N4BP2L1: variants seen among roughly 807,000 people sequenced by gnomAD.
N4BP2L1 encodes NEDD4-binding protein 2-like 1.
A neutral mutation model predicts 21.2 loss-of-function variants in N4BP2L1; 12 were observed. The ratio of observed to expected loss-of-function variants is 0.57; its 90% confidence interval spans 0.36 to 0.92. N4BP2L1 has a LOEUF of 0.92. Among genes scored for constraint, N4BP2L1 ranks in the 40% least tolerant of loss-of-function variants. The pLI, the probability that N4BP2L1 is intolerant of heterozygous loss-of-function variation, is 0.01. For missense variants in N4BP2L1, 259 were observed against 310.6 expected (o/e 0.83, Z 1.25); for synonymous variants, 104 against 112.8 (o/e 0.92, Z 0.49).
chr13:32,403,841 T>C (rs1301643266), intron 4 of N4BP2L1: 3 of 477,400 alleles, frequency 6.3e-6, no homozygotes, highest in Non-Finnish European at 1.3e-5. Flanking sequence ...AATGACATTA[T>C]CAAATAATAC....
rs766389112 is a variant in N4BP2L1 at position 32,407,772 on chromosome 13, T to A, written c.180A>T (p.Arg60Ser). The change falls in exon 2 of 5, where the codon AGA becomes AGT. Residue 60 changes from arginine to serine, a missense_variant and splice_region_variant. Arg to Ser is a moderately radical substitution (Grantham distance 110, BLOSUM62 -1). Transcript: ENST00000380130. ...CCCTGGGAAAGTCATGCTGCAATTG[T>A]CTGGAAAGTGGAGAAATGAGAGAGA... ...LPGSGKTTLA[R>S]QLQHDFPRAL... 1 of 1,583,570 alleles carries A rather than the reference T, an allele frequency of 6.3e-7. No individual in the cohort carries two copies. The highest frequency in any genetic ancestry group is 2.2e-5 in the East Asian group (1 of 44,660).
At chr13:32,421,047 C>T (rs2074449682) in intron 1 of N4BP2L1, among the ~76,000 whole-genome samples, 1 of 152,172 alleles carries the variant, frequency 6.6e-6, no homozygotes, top group Non-Finnish European at 1.5e-5. Flanking sequence ...TGGTTTCGTT[C>T]TTTACTCAAG....
At chr13:32,403,303 A>G in intron 4 of N4BP2L1, 103 bp from the exon 5 acceptor site, 1 of 1,205,924 alleles carries the variant, frequency 8.3e-7, no homozygotes, top group South Asian at 1.5e-5. Context: ...CCCTGTTCTC[A>G]GGACCTAGCT....
intron 1 of N4BP2L1, among the ~76,000 whole-genome samples, chr13:32,413,628 A>C (rs1387591011): frequency 6.6e-6 from 1 of 152,062 alleles, no homozygotes; most frequent in Non-Finnish European, 1.5e-5. Context: ...TGGGGGACAA[A>C]ACTGTGAGCC....
chr13:32,427,977 G>A lies in N4BP2L1; in HGVS notation c.106C>T (p.Arg36Cys). 1 of 1,551,830 alleles carries A rather than the reference G, an allele frequency of 6.4e-7. No individual in the cohort carries two copies. Among genetic ancestry groups the A allele is most frequent in the East Asian group, 2.6e-5 (1 of 38,888 alleles). ...PRPPPRGTPP[R>C]RHSFRKHLYL... ...AGGTGTTTCCTAAAGCTGTGGCGGCGAGGAGGTGTCCCCCGCGGGGGCGGC... is the reference window on the plus strand; with the variant it reads ...AGGTGTTTCCTAAAGCTGTGGCGGCAAGGAGGTGTCCCCCGCGGGGGCGGC... The change falls in exon 1 of 5, where the codon CGC (arginine) becomes TGC (cysteine). Residue 36 changes from arginine to cysteine, a missense_variant. By Grantham distance (180) the Arg-to-Cys change is radical. Around this residue, in one of 3 missense-constraint regions of N4BP2L1, gnomAD observed 60 missense variants for 54.7 expected, o/e 1.10. Coordinates refer to ENST00000380130, the MANE Select transcript of N4BP2L1 (RefSeq NM_052818.3).
intron 1 of N4BP2L1, among the ~76,000 whole-genome samples, chr13:32,416,962 G>T (rs545093293): frequency 6.6e-6 from 1 of 151,848 alleles, no homozygotes; most frequent in South Asian, 2.1e-4. Context: ...GATTACAGGC[G>T]CGTGCCACCA....
intron 4 of N4BP2L1, among the ~76,000 whole-genome samples, chr13:32,403,454 T>A (rs1382704812): frequency 6.6e-6 from 1 of 152,172 alleles, no homozygotes; most frequent in East Asian, 1.9e-4. Flanking sequence ...TTTCTGGTCC[T>A]CTCAATTACG....
chr13:32,401,324 A>C lies in N4BP2L1; in HGVS notation c.*1618T>G, dbSNP rs2073117399. 6.6e-6 allele frequency: 1 copy of C among 152,158 alleles called. No individual in the cohort carries two copies. Among genetic ancestry groups the C allele is most frequent in the African/African-American group, 2.4e-5 (1 of 41,426 alleles). The allele number at this position is 152,158 out of a possible 1,614,324, so 9.4% of individuals were successfully genotyped here. A position where few individuals can be genotyped will look rare whatever the true frequency, so the allele number is the denominator to read the frequency against. ...GAGCATTATTAAGTAGATCATTAGG[A>C]GATTATTTTATGTTGTGCTTGGAGA... On this transcript the variant is annotated 3_prime_UTR_variant, in exon 5 of 5. Coordinates refer to ENST00000380130, the MANE Select transcript of N4BP2L1 (RefSeq NM_052818.3).
chr13:32,416,887 G>C (rs1012227583), intron 1 of N4BP2L1, among the ~76,000 whole-genome samples: 1 of 152,066 alleles, frequency 6.6e-6, no homozygotes, highest in African/African-American at 2.4e-5. Context: ...CATGATCTCG[G>C]CTCACTGCAA....
intron 1 of N4BP2L1, among the ~76,000 whole-genome samples, chr13:32,420,906 G>A (rs1229902488): frequency 2.6e-5 from 4 of 151,744 alleles, no homozygotes; most frequent in Non-Finnish European, 5.9e-5. Context: ...TGTTGGCCAG[G>A]ATGGTCTCGA....
At chr13:32,408,804 CT>C (rs1489500451) in intron 1 of N4BP2L1, among the ~76,000 whole-genome samples, 1 of 152,168 alleles carries the variant, frequency 6.6e-6, no homozygotes, top group Non-Finnish European at 1.5e-5. Flanking sequence ...TATTCAATGT[CT>C]TTTTTGCTGT....
At chr13:32,422,328 G>A (rs375426936) in intron 1 of N4BP2L1, among the ~76,000 whole-genome samples, 21 of 149,954 alleles carry the variant, frequency 1.4e-4, no homozygotes, top group South Asian at 6.5e-4. Context: ...CCCCCTTTCC[G>A]GCCTCTTCTT....
At chr13:32,423,534 T>C (rs754038115) in intron 1 of N4BP2L1, among the ~76,000 whole-genome samples, 17 of 152,260 alleles carry the variant, frequency 1.1e-4, no homozygotes, top group Middle Eastern at 3.2e-3. Context: ...CCCTCTATTA[T>C]GGCAATTTCA....
rs1350994967 is a variant in N4BP2L1, at chr13:32,427,974, G to A, written c.109C>T (p.Arg37Cys). ...TAGAGGTGTTTCCTAAAGCTGTGGC[G>A]GCGAGGAGGTGTCCCCCGCGGGGGC... ...RPPPRGTPPR[R>C]HSFRKHLYLL... Residue 37 changes from arginine (R) to cysteine (C), a missense_variant, in exon 1 of 5, where the codon CGC becomes TGC. Transcript: ENST00000380130. 16 of 1,547,878 alleles carry A rather than the reference G, an allele frequency of 1.0e-5. 1 individual carries two copies. The highest frequency in any genetic ancestry group is 4.7e-5 in the South Asian group (4 of 85,426).
intron 3 of N4BP2L1, 116 bp downstream of exon 3, chr13:32,407,134 A>T: frequency 9.4e-7 from 1 of 1,059,404 alleles, no homozygotes; most frequent in Non-Finnish European, 1.4e-6. Context: ...TCCCTGGGAG[A>T]ACCACTGTTA....
intron 1 of N4BP2L1, among the ~76,000 whole-genome samples, chr13:32,408,575 G>A (rs927952496): frequency 6.6e-6 from 1 of 152,186 alleles, no homozygotes; most frequent in African/African-American, 2.4e-5. Flanking sequence ...ATCCTTGCTC[G>A]TACTATCTTT....
In N4BP2L1 at chr13:32,402,086, A is replaced by G. The variant is rs1173415198; in HGVS notation, c.*856T>C. 1.0e-6 allele frequency: 1 copy of G among 985,392 alleles called. No individual in the cohort carries two copies. The highest frequency in any genetic ancestry group is 1.2e-6 in the Non-Finnish European group (1 of 829,912). 61.0% of individuals were successfully genotyped at this position (985,392 alleles called of 1,614,324 possible). A position where few individuals can be genotyped will look rare whatever the true frequency, so the allele number is the denominator to read the frequency against. ...TGCCTAATTTCTTGCACTCCCAAAC[A>G]TTTGAGCTGCCGACTAATTACACAT... On this transcript the variant is annotated 3_prime_UTR_variant, in exon 5 of 5. Coordinates refer to ENST00000380130, the MANE Select transcript of N4BP2L1 (RefSeq NM_052818.3).
chr13:32,422,231 C>A (rs751433122), intron 1 of N4BP2L1, among the ~76,000 whole-genome samples: 5 of 152,058 alleles, frequency 3.3e-5, no homozygotes, highest in Non-Finnish European at 5.9e-5. Context: ...CAATTGAAAT[C>A]CAGGTTAACT....
chr13:32,408,028 C>T (rs931370686), intron 1 of N4BP2L1, among the ~76,000 whole-genome samples: 1 of 152,294 alleles, frequency 6.6e-6, no homozygotes, highest in East Asian at 1.9e-4. Flanking sequence ...CAGTCACTGC[C>T]GCTGCCTTCT....
Sources: allele counts gnomAD v4.1 joint callset (sites outside exome capture counted in the v4.1 genomes callset), GRCh38; gene constraint gnomAD v4.1.1; regional missense constraint gnomAD v4.1.1; transcripts MANE v1.5; gene names NCBI Gene and HGNC (gene_info 2026-07-23, HGNC 2026-07-21).